PAH: variants seen among roughly 807,000 people sequenced by gnomAD.
PAH encodes the protein phenylalanine-4-hydroxylase.
In PAH, 64 loss-of-function variants were observed where a neutral mutation model predicts 62.0. The ratio of observed to expected loss-of-function variants is 1.03; its 90% CI spans 0.84 to 1.27. The LOEUF (loss-of-function observed/expected upper bound fraction) is 1.27. Among genes scored for constraint, PAH ranks in the 50% most tolerant of loss-of-function variants. The pLI, the probability that PAH is intolerant of heterozygous loss-of-function variation, is 0.00. For missense variants in PAH, 579 were observed against 542.8 expected (o/e 1.07, Z -0.66); for synonymous variants, 195 against 196.2 (o/e 0.99, Z 0.05).
intron 8 of PAH, among the ~76,000 whole-genome samples, chr12:102,847,967 TG>T (rs1874932091): frequency 6.6e-6 from 1 of 152,202 alleles, no homozygotes. Context: ...GAGGGGGCAG[TG>T]GCAGGTGATA....
At chr12:102,845,216 T>C (rs1315724330) in intron 9 of PAH, among the ~76,000 whole-genome samples, 1 of 152,146 alleles carries the variant, frequency 6.6e-6, no homozygotes, top group Non-Finnish European at 1.5e-5. Flanking sequence ...GAGTGCTGGC[T>C]GAATGTAAAG....
Position 102,843,794 on chromosome 12 carries a change from T to C in PAH, c.1066-15A>G. 6.2e-7 allele frequency: 1 copy of C among 1,613,022 alleles called. No individual in the cohort carries two copies. The highest frequency in any genetic ancestry group is 8.5e-7 in the Non-Finnish European group (1 of 1,179,590). On this transcript the variant is annotated splice_polypyrimidine_tract_variant and intron_variant, in intron 10 of 12. Coordinates refer to ENST00000553106, the MANE Select transcript of PAH (RefSeq NM_000277.3). ...GATAAGCAGTACTGTAGGCCCCAAG[T>C]GAAAAGTTATTATCACTGTTAAATC...
intron 8 of PAH, among the ~76,000 whole-genome samples, chr12:102,848,961 T>C (rs1357453750): frequency 1.3e-5 from 2 of 151,110 alleles, no homozygotes; most frequent in Non-Finnish European, 3.0e-5. Flanking sequence ...AGGTTGAGAG[T>C]AAATGGGACA....
intron 1 of PAH, among the ~76,000 whole-genome samples, chr12:102,924,808 T>C (rs1316531665): frequency 6.6e-6 from 1 of 152,162 alleles, no homozygotes; most frequent in Non-Finnish European, 1.5e-5. Flanking sequence ...ACCCATGGAC[T>C]TGGGGGACAA....
At chr12:102,869,645 C>T (rs1185658854) in intron 4 of PAH, among the ~76,000 whole-genome samples, 6 of 152,336 alleles carry the variant, frequency 3.9e-5, no homozygotes, top group Admixed American at 2.0e-4. Context: ...ATGACCCTTT[C>T]CAGCTCCTGG....
At chr12:102,880,994 C>A in intron 3 of PAH, among the ~76,000 whole-genome samples, 1 of 149,404 alleles carries the variant, frequency 6.7e-6, no homozygotes, top group Admixed American at 6.7e-5. Flanking sequence ...GTATATATTG[C>A]ATATATTTTA....
intron 3 of PAH, among the ~76,000 whole-genome samples, chr12:102,885,038 G>A (rs952876936): frequency 3.9e-5 from 6 of 152,142 alleles, no homozygotes; most frequent in African/African-American, 1.4e-4. Flanking sequence ...AGCAATGCTG[G>A]GCTTAGAATA....
Position 102,941,221 on chromosome 12 carries a change from A to G in PAH, c.-96+9368T>C, listed in dbSNP as rs192845424. ...CATTACTGGCCACAACAATAAGTAC[A>G]TAGACCACTGACACTGTAAAGCAAC... On this transcript the variant is annotated intron_variant, in intron 1 of 3. Transcript: ENST00000546844. 2.1e-4 allele frequency among the ~76,000 whole-genome samples: 32 copies of G among 152,312 alleles called. 1 individual carries two copies. Among genetic ancestry groups the G allele is most frequent in the Admixed American group, 1.9e-3 (29 of 15,294 alleles).
chr12:102,931,690 C>T (rs1878881433), intron 1 of PAH, among the ~76,000 whole-genome samples: 2 of 152,256 alleles, frequency 1.3e-5, no homozygotes, highest in African/African-American at 4.8e-5. Flanking sequence ...TTCCATTGGT[C>T]TCCGTTAGCA....
chr12:102,863,385 A>G (rs772953793), intron 5 of PAH, among the ~76,000 whole-genome samples: 5 of 152,138 alleles, frequency 3.3e-5, no homozygotes, highest in Admixed American at 6.6e-5. Context: ...TCTGTTCCCC[A>G]TTCATCAGTA....
At chr12:102,856,338 G>T (rs557408189) in intron 5 of PAH, among the ~76,000 whole-genome samples, 1 of 152,282 alleles carries the variant, frequency 6.6e-6, no homozygotes. Context: ...AGTCCGGGAA[G>T]CTCAAACTGG....
At chr12:102,902,441 T>G (rs774421801) in intron 2 of PAH, among the ~76,000 whole-genome samples, 1 of 152,206 alleles carries the variant, frequency 6.6e-6, no homozygotes. Context: ...GGCAGCTGTT[T>G]TAAGACTAGA....
exon 1 of PAH, chr12:102,958,355 C>T: frequency 7.0e-7 from 1 of 1,427,118 alleles, no homozygotes; most frequent in Admixed American, 3.0e-5. Context: ...CGGCCGCAGC[C>T]GCGGCGGCCG....
At chr12:102,853,353 A>G (rs1875264413) in intron 6 of PAH, 1 of 322,070 alleles carries the variant, frequency 3.1e-6, no homozygotes, top group Non-Finnish European at 6.0e-6. Context: ...TTTGAACCTC[A>G]TTTCCCAGAA....
intron 5 of PAH, among the ~76,000 whole-genome samples, chr12:102,861,345 G>A (rs1031355919): frequency 1.3e-5 from 2 of 152,178 alleles, no homozygotes; most frequent in African/African-American, 2.4e-5. Context: ...GTGCTGGAGA[G>A]GATATGGAGA....
At chr12:102,873,176 C>T (rs531168528) in intron 4 of PAH, among the ~76,000 whole-genome samples, 1 of 152,356 alleles carries the variant, frequency 6.6e-6, no homozygotes, top group South Asian at 2.1e-4. Flanking sequence ...TCCCCAAGAT[C>T]TGTCCTCTCT....
intron 2 of PAH, among the ~76,000 whole-genome samples, chr12:102,896,250 C>G (rs1460923223): frequency 1.3e-5 from 2 of 152,052 alleles, no homozygotes; most frequent in African/African-American, 4.8e-5. Flanking sequence ...AGGTGAAGGC[C>G]GGAAGGTGGC....
intron 4 of PAH, among the ~76,000 whole-genome samples, chr12:102,869,321 T>A (rs1876201683): frequency 6.6e-6 from 1 of 152,208 alleles, no homozygotes; most frequent in Non-Finnish European, 1.5e-5. Flanking sequence ...ATGTCATATA[T>A]CAATTATGTC....
upstream of PAH, among the ~76,000 whole-genome samples, chr12:102,920,250 C>T (rs1592992676): frequency 2.0e-5 from 3 of 152,292 alleles, no homozygotes; most frequent in African/African-American, 2.4e-5. Flanking sequence ...TTTTAAGCCA[C>T]CTTTTTGTTC....
Sources: gnomAD v4.1 joint callset for allele counts (sites outside exome capture counted in the v4.1 genomes callset) on GRCh38, gnomAD v4.1.1 for gene constraint, MANE v1.5 for transcripts, NCBI Gene and HGNC (gene_info 2026-07-23, HGNC 2026-07-21) for gene names.